The following CDH13 variants were observed in gnomAD, a reference collection of about 807,000 sequenced individuals.
The protein encoded by CDH13 is cadherin-13.
Under a neutral mutation model 63.8 loss-of-function variants are expected in CDH13, and 24 were observed. That is an observed-to-expected ratio of 0.38 (90% CI 0.27 to 0.53). The LOEUF (loss-of-function observed/expected upper bound fraction) is 0.53, where lower values mean the gene tolerates loss of function less well. Among genes scored for constraint, CDH13 ranks in the 20% least tolerant of loss-of-function variants. The pLI is 0.85. For synonymous variants in CDH13, 503 were observed against 355.3 expected (o/e 1.42, Z -4.67); for missense variants, 1,049 against 903.1 (o/e 1.16, Z -2.07).
intron 5 of CDH13, among the ~76,000 whole-genome samples, chr16:83,285,383 A>G (rs1237293965): frequency 6.6e-6 from 1 of 151,930 alleles, no homozygotes; most frequent in Non-Finnish European, 1.5e-5. Flanking sequence ...CACAGGTGGC[A>G]TTTTCATGGA....
intron 7 of CDH13, among the ~76,000 whole-genome samples, chr16:83,532,765 T>G (rs759241170): frequency 5.9e-5 from 9 of 152,152 alleles, no homozygotes; most frequent in Non-Finnish European, 8.8e-5. Flanking sequence ...TGAGCGATCC[T>G]CTCCCTCTGT....
At chr16:83,050,561 T>A (rs2030199796) in intron 3 of CDH13, among the ~76,000 whole-genome samples, 1 of 152,184 alleles carries the variant, frequency 6.6e-6, no homozygotes, top group Non-Finnish European at 1.5e-5. Context: ...CCTGTCCATT[T>A]CCTGTCTTGA....
At chr16:83,362,551 C>T (rs1052277657) in intron 6 of CDH13, among the ~76,000 whole-genome samples, 1 of 152,172 alleles carries the variant, frequency 6.6e-6, no homozygotes, top group Non-Finnish European at 1.5e-5. Context: ...ATTCTTTATC[C>T]CATTCCATCC....
intron 10 of CDH13, among the ~76,000 whole-genome samples, chr16:83,728,342 C>CGTGTGTGTGTGTGTGTGTGT (rs145865689): frequency 0.031 from 4,678 of 149,260 alleles, 99 homozygotes; most frequent in Non-Finnish European, 0.048. Flanking sequence ...TATGTGTGTG[C>CGTGTGTGTGTGTGTGTGTGT]GTGTGTGTGT....
chr16:83,332,469 T>G (rs2090500663), intron 5 of CDH13, among the ~76,000 whole-genome samples: 1 of 152,116 alleles, frequency 6.6e-6, no homozygotes, highest in Admixed American at 6.5e-5. Context: ...AACTGTAAAC[T>G]TAAAAAAAAG....
rs1294910213 is a variant in CDH13 at position 83,711,923 on chromosome 16, A to C, written c.1538+33462A>C. Among the ~76,000 whole-genome samples, 3 of 152,340 alleles carry C rather than the reference A, an allele frequency of 2.0e-5. No individual in the cohort carries two copies. In the East Asian group the frequency reaches 5.8e-4, roughly 29 times the overall value. ...TTAAGTAGCAGAAATTTAATTTCTTACAATTCTGTAGGTTAGAAGTCTGAG... is the reference window on the plus strand; with the variant it reads ...TTAAGTAGCAGAAATTTAATTTCTTCCAATTCTGTAGGTTAGAAGTCTGAG... On this transcript the variant is annotated intron_variant, in intron 10 of 13. Transcript: ENST00000567109.
chr16:82,632,687 A>G (rs543850553), intron 1 of CDH13, among the ~76,000 whole-genome samples: 23 of 152,022 alleles, frequency 1.5e-4, no homozygotes, highest in Non-Finnish European at 3.1e-4. Flanking sequence ...GTGGAAGACA[A>G]TTTTTCCACG....
intron 6 of CDH13, among the ~76,000 whole-genome samples, chr16:83,440,975 C>A (rs150218241): frequency 1.4e-3 from 207 of 152,284 alleles, no homozygotes; most frequent in African/African-American, 4.7e-3. Context: ...AATCTGTGTT[C>A]ATCCCTGAAC....
intron 10 of CDH13, among the ~76,000 whole-genome samples, chr16:83,683,587 T>G (rs1915577120): frequency 6.6e-6 from 1 of 152,240 alleles, no homozygotes; most frequent in Non-Finnish European, 1.5e-5. Context: ...ATTATTCCAT[T>G]ACAGGGATAT....
chr16:82,804,312 C>CAT (rs58046063), intron 1 of CDH13, among the ~76,000 whole-genome samples: 3,655 of 148,286 alleles, frequency 0.025, 153 homozygotes, highest in Middle Eastern at 0.041. Context: ...CACACACACA[C>CAT]GCACACACAT....
chr16:83,462,418 T>C (rs940705974), intron 6 of CDH13, among the ~76,000 whole-genome samples: 3 of 152,170 alleles, frequency 2.0e-5, no homozygotes, highest in East Asian at 3.9e-4. Flanking sequence ...TAAACAAGGG[T>C]CAGGGACAGC....
At chr16:83,224,332 T>C (rs2039783627) in intron 5 of CDH13, among the ~76,000 whole-genome samples, 1 of 152,248 alleles carries the variant, frequency 6.6e-6, no homozygotes, top group African/African-American at 2.4e-5. Flanking sequence ...AAGTATCTTT[T>C]TCGTATAATG....
chr16:82,794,430 TC>T (rs2036480783), intron 1 of CDH13, among the ~76,000 whole-genome samples: 1 of 147,206 alleles, frequency 6.8e-6, no homozygotes, highest in African/African-American at 2.4e-5. Context: ...TTGTTTTTTT[TC>T]TCCCTTGAGA....
intron 5 of CDH13, among the ~76,000 whole-genome samples, chr16:83,241,203 A>G (rs536523154): frequency 1.3e-5 from 2 of 152,174 alleles, no homozygotes; most frequent in Admixed American, 1.3e-4. Flanking sequence ...TTGTGTGGAT[A>G]TACCACATTT....
intron 2 of CDH13, among the ~76,000 whole-genome samples, chr16:82,998,659 C>T (rs1028786221): frequency 5.3e-5 from 8 of 152,124 alleles, no homozygotes; most frequent in Admixed American, 5.2e-4. Context: ...TATGAATTAG[C>T]AGACATTGAT....
chr16:83,476,358 G>A (rs907744585), intron 6 of CDH13, among the ~76,000 whole-genome samples: 22 of 152,270 alleles, frequency 1.4e-4, no homozygotes, highest in Admixed American at 7.2e-4. Flanking sequence ...CTGTAAAAAG[G>A]ACTAGGCTTG....
chr16:83,201,003 C>G (rs1003933622), intron 4 of CDH13, among the ~76,000 whole-genome samples: 1 of 150,644 alleles, frequency 6.6e-6, no homozygotes, highest in African/African-American at 2.5e-5. Flanking sequence ...GAGAATCACT[C>G]AGAATGACTC....
Position 83,796,632 on chromosome 16 carries a change from G to C in CDH13, c.*1602G>C, listed in dbSNP as rs981898793. On this transcript the variant is annotated 3_prime_UTR_variant, in exon 14 of 14. Transcript: ENST00000567109. Reference sequence around the variant, plus strand: ...GTAACTGTTCTCTGATTTCTATCTTGTGTCCAATGTCACTGATGTTGGGTC... The same window carrying C: ...GTAACTGTTCTCTGATTTCTATCTTCTGTCCAATGTCACTGATGTTGGGTC... 1.3e-5 allele frequency: 2 copies of C among 152,000 alleles called. No homozygotes were observed. Among genetic ancestry groups the C allele is most frequent in the Non-Finnish European group, 2.9e-5 (2 of 68,018 alleles). The allele number at this position is 152,000 out of a possible 1,614,324, so 9.4% of individuals were successfully genotyped here. A position where few individuals can be genotyped will look rare whatever the true frequency, so the allele number is the denominator to read the frequency against.
intron 7 of CDH13, among the ~76,000 whole-genome samples, chr16:83,540,086 G>A (rs1235910932): frequency 7.2e-6 from 1 of 138,774 alleles, no homozygotes; most frequent in Admixed American, 7.4e-5. Context: ...TTTTTTTTGA[G>A]ATGGAGTCTC....
Sources: allele counts gnomAD v4.1 joint callset (sites outside exome capture counted in the v4.1 genomes callset), GRCh38; gene constraint gnomAD v4.1.1; transcripts MANE v1.5; gene names NCBI Gene and HGNC (gene_info 2026-07-23, HGNC 2026-07-21).